Variants in LANCL3 observed in about 807,000 individuals in gnomAD.
The protein encoded by LANCL3 is lanC-like protein 3.
LANCL3 carries 19 observed loss-of-function variants against 26.5 expected under a neutral mutation model. That is an observed-to-expected ratio of 0.72 (90% CI 0.50 to 1.05). The LOEUF is 1.05. Among genes scored for constraint, LANCL3 ranks in the 50% least tolerant of loss-of-function variants. The probability of loss-of-function intolerance (pLI) is 0.00; values close to 1 mark genes in which losing one functional copy is unlikely to be tolerated. For missense variants in LANCL3, 318 were observed against 362.7 expected, an observed-to-expected ratio of 0.88 and a Z score of 1.00; for synonymous variants, 160 against 166.6, an observed-to-expected ratio of 0.96 and a Z score of 0.30.
chrX:37,660,546 CAAAT>C (rs1324178074), intron 3 of LANCL3, among the ~76,000 whole-genome samples: 2 of 111,263 alleles, frequency 1.8e-5, no homozygotes, highest in Non-Finnish European at 3.8e-5. Context: ...AAGTTAAATT[CAAAT>C]AAATAAATTA....
intron 1 of LANCL3, among the ~76,000 whole-genome samples, chrX:37,588,209 T>C (rs1924160873): frequency 8.9e-6 from 1 of 111,979 alleles, no homozygotes; most frequent in Non-Finnish European, 1.9e-5. Flanking sequence ...ATGATGTTTG[T>C]CATGTGATTG....
In LANCL3 at chrX:37,572,368, C is replaced by T; in HGVS notation, c.498C>T (p.Gly166=). 1 of 1,169,466 alleles carries T rather than the reference C, an allele frequency of 8.6e-7. No individual in the cohort carries two copies. The highest frequency in any genetic ancestry group is 1.1e-6 in the Non-Finnish European group (1 of 874,099). The change falls in exon 1 of 5, where the codon GGC becomes GGT. Residue 166 remains glycine (G), a synonymous_variant. Transcript: ENST00000378619. ...VCAPVSFLEC[G]SDELFVGRAG... ...CGCCGGTCTCCTTCCTGGAGTGCGG[C>T]TCCGACGAGCTGTTCGTGGGCCGCG...
chrX:37,651,424 T>TA (rs1926140227), intron 1 of LANCL3, among the ~76,000 whole-genome samples: 1 of 112,350 alleles, frequency 8.9e-6, no homozygotes, highest in South Asian at 3.7e-4. Flanking sequence ...TTAAAGTCTT[T>TA]AGAGTTGGCA....
intron 2 of LANCL3, among the ~76,000 whole-genome samples, chrX:37,656,554 G>A (rs971505127): frequency 5.4e-5 from 6 of 112,145 alleles, no homozygotes; most frequent in Non-Finnish European, 9.4e-5. Context: ...AAAATGTTCC[G>A]TGCTTTTGGA....
chrX:37,625,302 G>A, intron 1 of LANCL3, among the ~76,000 whole-genome samples: 1 of 111,726 alleles, frequency 9.0e-6, no homozygotes, highest in Admixed American at 9.5e-5. Flanking sequence ...GCATCTCTGT[G>A]TGGATTCAGC....
At position 37,677,657 on chromosome X, in the gene LANCL3, A is replaced by G. The variant is rs1453886923; in HGVS notation, c.*1844A>G. 1.3e-4 allele frequency: 14 copies of G among 111,564 alleles called. No individual in the cohort carries two copies. In the Admixed American group the frequency reaches 1.3e-3, roughly 11 times the overall value. The allele number at this position is 111,564 out of a possible 1,213,427, so 9.2% of individuals were successfully genotyped here. A position where few individuals can be genotyped will look rare whatever the true frequency, so the allele number is the denominator to read the frequency against. On this transcript the variant is annotated 3_prime_UTR_variant, in exon 5 of 5. Transcript: ENST00000378619. ...ACATTGGGTCCAGAAGTTCTTTCAT[A>G]TAGGCTGAATATAATAACCATCCTA...
At chrX:37,655,854 C>G (rs782247677) in intron 2 of LANCL3, 43 bp downstream of exon 2, 12 of 1,133,863 alleles carry the variant, frequency 1.1e-5, no homozygotes, top group Non-Finnish European at 1.4e-5. Flanking sequence ...AGGAGAAAGT[C>G]TCTAAGATAC....
chrX:37,605,479 T>G (rs1556420443), intron 1 of LANCL3, among the ~76,000 whole-genome samples: 5 of 111,691 alleles, frequency 4.5e-5, no homozygotes, highest in African/African-American at 1.3e-4. Flanking sequence ...GACTCCATTT[T>G]AGTTATCCTA....
rs140178761 is a variant in LANCL3 at position 37,631,899 on chromosome X, G to A, written c.574-23789G>A. Among the ~76,000 whole-genome samples the A allele has an allele frequency of 2.7e-3, 298 of 110,466 alleles. 3 individuals carry two copies. The highest frequency in any genetic ancestry group is 9.4e-3 in the African/African-American group (284 of 30,092). On this transcript the variant is annotated intron_variant, in intron 1 of 4. Transcript: ENST00000378619. ...ATGTGGTCAATTTTGGAATAGGTGT[G>A]GTGTGGTGCTGAAAAAAAATGTCTA...
chrX:37,583,693 C>T lies in LANCL3; in HGVS notation c.573+11250C>T, dbSNP rs1602093669. 3.6e-5 allele frequency among the ~76,000 whole-genome samples: 4 copies of T among 112,199 alleles called. No individual in the cohort carries two copies. The South Asian group carries it at 1.5e-3, about 42-fold the overall frequency. On this transcript the variant is annotated intron_variant, in intron 1 of 4. Coordinates refer to ENST00000378619, the MANE Select transcript of LANCL3 (RefSeq NM_001170331.2). ...GTATCCTGAGACTTTGCTCAAGTTG[C>T]TTATCAGCTTAAAGAGATTTTGGGC...
intron 1 of LANCL3, among the ~76,000 whole-genome samples, chrX:37,625,105 T>C (rs1308421722): frequency 2.7e-5 from 3 of 111,617 alleles, no homozygotes; most frequent in Admixed American, 9.5e-5. Flanking sequence ...GCAGCTACCA[T>C]GCAGTACCAT....
intron 1 of LANCL3, among the ~76,000 whole-genome samples, chrX:37,627,564 T>G (rs948156800): frequency 5.4e-5 from 6 of 111,827 alleles, no homozygotes; most frequent in Non-Finnish European, 1.1e-4. Context: ...CTACTGACTC[T>G]GTACTTTAAC....
intron 1 of LANCL3, among the ~76,000 whole-genome samples, chrX:37,618,705 T>C (rs1469132411): frequency 8.9e-6 from 1 of 111,896 alleles, no homozygotes; most frequent in Non-Finnish European, 1.9e-5. Context: ...ATGACTGTCT[T>C]TGTGTTCAGA....
intron 1 of LANCL3, among the ~76,000 whole-genome samples, chrX:37,587,200 A>T (rs191738681): frequency 2.7e-5 from 3 of 112,159 alleles, no homozygotes; most frequent in African/African-American, 9.7e-5. Flanking sequence ...GTGTCAGTCT[A>T]CCCCTACTAG....
intron 2 of LANCL3, among the ~76,000 whole-genome samples, chrX:37,657,572 G>T (rs1305804749): frequency 9.4e-6 from 1 of 105,911 alleles, no homozygotes; most frequent in African/African-American, 3.5e-5. Flanking sequence ...TAGAGACAGG[G>T]TCTTGTTATG....
At chrX:37,607,632 T>G (rs1407092665) in intron 1 of LANCL3, among the ~76,000 whole-genome samples, 1 of 112,686 alleles carries the variant, frequency 8.9e-6, no homozygotes, top group Non-Finnish European at 1.9e-5. Flanking sequence ...TCAAAATTGT[T>G]TTAATATTAT....
chrX:37,654,871 G>C (rs1270149771), intron 1 of LANCL3, among the ~76,000 whole-genome samples: 1 of 112,386 alleles, frequency 8.9e-6, no homozygotes, highest in Non-Finnish European at 1.9e-5. Flanking sequence ...TAACACAACA[G>C]TGCTGTGCAG....
intron 1 of LANCL3, among the ~76,000 whole-genome samples, chrX:37,576,823 C>T (rs1923761851): frequency 8.9e-6 from 1 of 112,363 alleles, no homozygotes; most frequent in Non-Finnish European, 1.9e-5. Flanking sequence ...CCTGGCTTAT[C>T]ACTAGAGCAT....
chrX:37,585,096 T>C (rs191380856), intron 1 of LANCL3, among the ~76,000 whole-genome samples: 3 of 111,850 alleles, frequency 2.7e-5, no homozygotes, highest in East Asian at 5.6e-4. Context: ...TTCCATGTGG[T>C]TGAGTGGTTT....
Sources: allele counts gnomAD v4.1 joint callset (sites outside exome capture counted in the v4.1 genomes callset), GRCh38; gene constraint gnomAD v4.1.1; transcripts MANE v1.5; gene names NCBI Gene and HGNC (gene_info 2026-07-23, HGNC 2026-07-21).